Variants in FAM227B observed in about 807,000 individuals in gnomAD.
FAM227B encodes family with sequence similarity 227 member B, also known as protein FAM227B.
A neutral mutation model predicts 73.8 loss-of-function variants in FAM227B; 88 were observed. That is an observed-to-expected ratio of 1.19 (90% confidence interval 1.00 to 1.42). FAM227B has a LOEUF of 1.42. Among genes scored for constraint, FAM227B ranks in the 40% most tolerant of loss-of-function variants. FAM227B has a pLI of 0.00. For synonymous variants in FAM227B, 210 were observed against 190.5 expected, an observed-to-expected ratio of 1.10 and a Z score of -0.84; for missense variants, 632 against 590.9, an observed-to-expected ratio of 1.07 and a Z score of -0.72.
chr15:49,579,654 G>T (rs2075685992), intron 5 of FAM227B, among the ~76,000 whole-genome samples: 1 of 152,084 alleles, frequency 6.6e-6, no homozygotes, highest in Admixed American at 6.6e-5. Flanking sequence ...TTTGGGGAAT[G>T]GAGGAGATTA....
chr15:49,473,301 T>C (rs1417612413), intron 11 of FAM227B, among the ~76,000 whole-genome samples: 1 of 152,178 alleles, frequency 6.6e-6, no homozygotes, highest in Non-Finnish European at 1.5e-5. Flanking sequence ...CATTGTCATA[T>C]GCTGCTAAAT....
At chr15:49,349,951 T>C (rs1478048472) in intron 13 of FAM227B, among the ~76,000 whole-genome samples, 1 of 151,962 alleles carries the variant, frequency 6.6e-6, no homozygotes, top group Non-Finnish European at 1.5e-5. Flanking sequence ...ATTTAAGAAT[T>C]TAGATGGGAA....
chr15:49,453,854 A>G (rs969754202), intron 11 of FAM227B, among the ~76,000 whole-genome samples: 1 of 152,146 alleles, frequency 6.6e-6, no homozygotes, highest in Non-Finnish European at 1.5e-5. Flanking sequence ...CTCTTACCTT[A>G]TACATTTTAC....
chr15:49,327,902 C>G lies in FAM227B; in HGVS notation c.*666G>C. 5 of 1,551,548 alleles carry G rather than the reference C, an allele frequency of 3.2e-6. No individual in the cohort carries two copies. The highest frequency in any genetic ancestry group is 4.4e-6 in the Non-Finnish European group (5 of 1,139,160). On this transcript the variant is annotated 3_prime_UTR_variant, in exon 16 of 16. Coordinates refer to ENST00000299338, the MANE Select transcript of FAM227B (RefSeq NM_152647.3). Reference sequence around the variant, plus strand: ...GTGTTCTACAAACACCAAGCAAATCCCTTGTATTTTCATTTATAGGTTCTA... The same window carrying G: ...GTGTTCTACAAACACCAAGCAAATCGCTTGTATTTTCATTTATAGGTTCTA...
At chr15:49,473,636 T>C (rs2054988701) in intron 11 of FAM227B, among the ~76,000 whole-genome samples, 1 of 152,132 alleles carries the variant, frequency 6.6e-6, no homozygotes, top group Non-Finnish European at 1.5e-5. Flanking sequence ...ATTTTATTTA[T>C]GGAGCACTAT....
intron 3 of FAM227B, among the ~76,000 whole-genome samples, chr15:49,608,766 C>T (rs1198345026): frequency 6.6e-6 from 1 of 151,666 alleles, no homozygotes; most frequent in Admixed American, 6.6e-5. Flanking sequence ...ATCTAACAGG[C>T]CTGTTAACAA....
chr15:49,544,103 A>G (rs1383494008), intron 9 of FAM227B, among the ~76,000 whole-genome samples: 2 of 152,144 alleles, frequency 1.3e-5, no homozygotes, highest in Non-Finnish European at 2.9e-5. Context: ...TTTTCACAAT[A>G]TTGATTCTAC....
intron 11 of FAM227B, among the ~76,000 whole-genome samples, chr15:49,393,201 T>C (rs1390474565): frequency 2.6e-5 from 4 of 152,154 alleles, no homozygotes; most frequent in Admixed American, 6.5e-5. Context: ...TCTTTCAAAA[T>C]GTGGGGAGAG....
At chr15:49,363,000 G>A (rs752934221) in intron 13 of FAM227B, among the ~76,000 whole-genome samples, 1 of 152,144 alleles carries the variant, frequency 6.6e-6, no homozygotes, top group South Asian at 2.1e-4. Flanking sequence ...TTTCATATCA[G>A]TGCCATGCTG....
At chr15:49,607,820 C>T (rs1303219686) in intron 3 of FAM227B, among the ~76,000 whole-genome samples, 1 of 152,076 alleles carries the variant, frequency 6.6e-6, no homozygotes, top group Non-Finnish European at 1.5e-5. Flanking sequence ...AAATGGATAC[C>T]AGATGATTAT....
At chr15:49,593,308 C>T (rs1598434738) in intron 3 of FAM227B, among the ~76,000 whole-genome samples, 1 of 152,148 alleles carries the variant, frequency 6.6e-6, no homozygotes, top group East Asian at 1.9e-4. Context: ...TCCTATTCGG[C>T]CATTTTGGAA....
intron 11 of FAM227B, among the ~76,000 whole-genome samples, chr15:49,453,902 A>G (rs988909084): frequency 2.0e-5 from 3 of 152,148 alleles, no homozygotes; most frequent in African/African-American, 7.2e-5. Flanking sequence ...CCAAAGTGGA[A>G]GCCTTGCATT....
chr15:49,430,274 T>C (rs2050484616), intron 11 of FAM227B, among the ~76,000 whole-genome samples: 1 of 151,900 alleles, frequency 6.6e-6, no homozygotes, highest in African/African-American at 2.4e-5. Flanking sequence ...TCTGCATCTC[T>C]TCTGACACTT....
chr15:49,334,741 G>C (rs999452247), intron 14 of FAM227B, among the ~76,000 whole-genome samples: 2 of 152,110 alleles, frequency 1.3e-5, no homozygotes, highest in African/African-American at 4.8e-5. Flanking sequence ...TCTTGGAGGT[G>C]CTCCTTGGAC....
At chr15:49,520,127 A>C (rs2059677263) in intron 10 of FAM227B, among the ~76,000 whole-genome samples, 1 of 152,166 alleles carries the variant, frequency 6.6e-6, no homozygotes, top group African/African-American at 2.4e-5. Flanking sequence ...CTCTTTGCTA[A>C]AGAGTAGCAA....
chr15:49,458,703 A>T (rs1201384123), intron 11 of FAM227B, among the ~76,000 whole-genome samples: 4 of 152,102 alleles, frequency 2.6e-5, no homozygotes, highest in African/African-American at 9.7e-5. Context: ...CTTCATAATA[A>T]TGTTTCCTAA....
intron 10 of FAM227B, among the ~76,000 whole-genome samples, chr15:49,531,232 T>C (rs1239607336): frequency 6.6e-6 from 1 of 151,918 alleles, no homozygotes; most frequent in Non-Finnish European, 1.5e-5. Context: ...GTTGATTTCA[T>C]GTATATATGT....
At chr15:49,519,242 G>A (rs1404020552) in intron 10 of FAM227B, among the ~76,000 whole-genome samples, 3 of 152,104 alleles carry the variant, frequency 2.0e-5, no homozygotes, top group African/African-American at 7.2e-5. Context: ...TGCTTTCATG[G>A]GTTGGCATTG....
chr15:49,442,950 T>C (rs2051811708), intron 11 of FAM227B, among the ~76,000 whole-genome samples: 1 of 151,788 alleles, frequency 6.6e-6, no homozygotes, highest in African/African-American at 2.4e-5. Flanking sequence ...TTGGAAATCA[T>C]GTGAAGGCAG....
Sources: allele counts gnomAD v4.1 joint callset (sites outside exome capture counted in the v4.1 genomes callset), GRCh38; gene constraint gnomAD v4.1.1; transcripts MANE v1.5; gene names NCBI Gene and HGNC (gene_info 2026-07-23, HGNC 2026-07-21).